ALK: variants seen among roughly 807,000 people sequenced by gnomAD.
ALK encodes ALK tyrosine kinase receptor.
A neutral mutation model predicts 163.1 loss-of-function variants in ALK; 74 were observed. The ratio of observed to expected loss-of-function variants is 0.45; its 90% CI spans 0.38 to 0.55. The LOEUF is 0.55. Among genes scored for constraint, ALK ranks in the 20% least tolerant of loss-of-function variants. The pLI is 0.00. For synonymous variants in ALK, 960 were observed against 843.2 expected, an observed-to-expected ratio of 1.14 and a Z score of -2.40; for missense variants, 2,063 against 2,105.3, an observed-to-expected ratio of 0.98 and a Z score of 0.39.
intron 3 of ALK, among the ~76,000 whole-genome samples, chr2:29,595,494 G>A (rs1355921620): frequency 1.3e-5 from 2 of 152,026 alleles, no homozygotes; most frequent in African/African-American, 4.8e-5. Context: ...CTAATTTTTT[G>A]TATTTTTAGT....
At chr2:29,252,960 G>A (rs1399590385) in intron 11 of ALK, among the ~76,000 whole-genome samples, 1 of 151,836 alleles carries the variant, frequency 6.6e-6, no homozygotes, top group African/African-American at 2.4e-5. Flanking sequence ...GAGTAGCTGG[G>A]ACTACAGACC....
chr2:29,462,013 T>G (rs1671096319), intron 4 of ALK, among the ~76,000 whole-genome samples: 1 of 152,142 alleles, frequency 6.6e-6, no homozygotes, highest in South Asian at 2.1e-4. Context: ...TTTGAGGGGT[T>G]TAAGACTTCA....
At chr2:29,197,308 C>T (rs1473052331) in intron 27 of ALK, among the ~76,000 whole-genome samples, 1 of 152,102 alleles carries the variant, frequency 6.6e-6, no homozygotes, top group African/African-American at 2.4e-5. Context: ...CCTGGTGAGT[C>T]CACAGCCTGT....
chr2:29,723,925 A>G (rs1470589085), intron 1 of ALK, among the ~76,000 whole-genome samples: 1 of 152,230 alleles, frequency 6.6e-6, no homozygotes, highest in Non-Finnish European at 1.5e-5. Context: ...TCACTAGTTA[A>G]TCATTAACTT....
chr2:29,466,717 T>G (rs1213156556), intron 4 of ALK, among the ~76,000 whole-genome samples: 1 of 152,206 alleles, frequency 6.6e-6, no homozygotes, highest in Non-Finnish European at 1.5e-5. Flanking sequence ...CTCACAAGTT[T>G]TACATTTGAT....
chr2:29,875,474 G>C (rs1461765135), intron 1 of ALK, among the ~76,000 whole-genome samples: 1 of 152,104 alleles, frequency 6.6e-6, no homozygotes, highest in African/African-American at 2.4e-5. Flanking sequence ...GTGCAGGTTT[G>C]TTATATAGGT....
chr2:29,872,021 G>C (rs971933650), intron 1 of ALK, among the ~76,000 whole-genome samples: 1 of 152,116 alleles, frequency 6.6e-6, no homozygotes, highest in Non-Finnish European at 1.5e-5. Flanking sequence ...GTAAGTACGT[G>C]GCTGACATAG....
intron 3 of ALK, among the ~76,000 whole-genome samples, chr2:29,627,629 T>A (rs995971899): frequency 4.6e-5 from 7 of 152,182 alleles, no homozygotes; most frequent in African/African-American, 1.7e-4. Flanking sequence ...TCATGTCTTG[T>A]TTGTTACAAC....
chr2:29,261,283 G>C (rs1665082190), intron 11 of ALK, among the ~76,000 whole-genome samples: 1 of 151,986 alleles, frequency 6.6e-6, no homozygotes, highest in Admixed American at 6.6e-5. Context: ...GCATTTTGAA[G>C]TTTTAGGGGA....
At chr2:29,773,233 T>TACAC (rs111768210) in intron 1 of ALK, among the ~76,000 whole-genome samples, 275 of 146,896 alleles carry the variant, frequency 1.9e-3, no homozygotes, top group Middle Eastern at 0.017. Context: ...ACAGTAAATG[T>TACAC]ACACACACAC....
intron 1 of ALK, among the ~76,000 whole-genome samples, chr2:29,889,775 G>A (rs988981376): frequency 6.1e-5 from 9 of 147,750 alleles, no homozygotes; most frequent in African/African-American, 2.3e-4. Flanking sequence ...AGGAGGGCAG[G>A]CAGGTGAGGT....
At chr2:29,591,271 T>C (rs556610639) in intron 3 of ALK, among the ~76,000 whole-genome samples, 1 of 152,296 alleles carries the variant, frequency 6.6e-6, no homozygotes, top group African/African-American at 2.4e-5. Context: ...TCAGACTTCC[T>C]CATTCTGACG....
chr2:29,410,732 G>T (rs886446182), intron 4 of ALK, among the ~76,000 whole-genome samples: 6 of 152,114 alleles, frequency 3.9e-5, no homozygotes, highest in African/African-American at 1.4e-4. Context: ...ATTTAAAATG[G>T]TACACCTATG....
intron 20 of ALK, among the ~76,000 whole-genome samples, chr2:29,223,041 TTGCTCCCC>T (rs1346629861): frequency 1.3e-5 from 2 of 152,052 alleles, no homozygotes; most frequent in Non-Finnish European, 2.9e-5. Flanking sequence ...GAGGGGCCCT[TTGCTCCCC>T]TGCTCCCCTG....
intron 5 of ALK, among the ~76,000 whole-genome samples, chr2:29,335,087 G>A (rs1667569931): frequency 6.6e-6 from 1 of 152,176 alleles, no homozygotes; most frequent in Non-Finnish European, 1.5e-5. Context: ...TGGCTTAGAC[G>A]TGAAAAGCCA....
At chr2:29,216,253 A>G (rs908194505) in intron 23 of ALK, among the ~76,000 whole-genome samples, 1 of 152,068 alleles carries the variant, frequency 6.6e-6, no homozygotes, top group Non-Finnish European at 1.5e-5. Context: ...GGTGCTCCCC[A>G]TGGTGGGTTT....
At chr2:29,275,376 G>C in intron 10 of ALK, 26 bp downstream of exon 10, 1 of 1,612,996 alleles carries the variant, frequency 6.2e-7, no homozygotes, top group East Asian at 2.2e-5. Flanking sequence ...TTGGGGGACA[G>C]AGTGCTGGGG....
At chr2:29,785,856 G>C (rs1057082097) in intron 1 of ALK, among the ~76,000 whole-genome samples, 1 of 150,744 alleles carries the variant, frequency 6.6e-6, no homozygotes, top group Non-Finnish European at 1.5e-5. Flanking sequence ...GTATCAGGAA[G>C]CACAGGAGAG....
chr2:29,848,893 T>C (rs1157502372), intron 1 of ALK, among the ~76,000 whole-genome samples: 1 of 152,138 alleles, frequency 6.6e-6, no homozygotes, highest in African/African-American at 2.4e-5. Flanking sequence ...AGCTGCAGAT[T>C]CTAGAGTGCG....
Sources: allele counts gnomAD v4.1 joint callset (sites outside exome capture counted in the v4.1 genomes callset), GRCh38; gene constraint gnomAD v4.1.1; transcripts MANE v1.5; gene names NCBI Gene and HGNC (gene_info 2026-07-23, HGNC 2026-07-21).